MOG: variants seen among roughly 807,000 people sequenced by gnomAD.
MOG encodes the protein myelin oligodendrocyte glycoprotein.
Under a neutral mutation model 35.9 loss-of-function variants are expected in MOG, and 20 were observed. The observed-to-expected ratio is 0.56, with a 90% CI of 0.39 to 0.81. MOG has a LOEUF of 0.81. MOG is among the 30% of genes least tolerant of loss of function. The pLI, the probability that MOG is intolerant of heterozygous loss-of-function variation, is 0.00. For synonymous variants in MOG, 92 were observed against 114.3 expected, an observed-to-expected ratio of 0.80 and a Z score of 1.25; for missense variants, 251 against 301.0, an observed-to-expected ratio of 0.83 and a Z score of 1.23.
At chr6:29,663,476 G>A (rs1330697258) in intron 2 of MOG, among the ~76,000 whole-genome samples, 2 of 152,070 alleles carry the variant, frequency 1.3e-5, no homozygotes, top group African/African-American at 2.4e-5. Flanking sequence ...CCCACCTGTT[G>A]ACCTTTGCCC....
chr6:29,660,541 A>C (rs1280047593), intron 2 of MOG, among the ~76,000 whole-genome samples: 1 of 134,916 alleles, frequency 7.4e-6, no homozygotes, highest in Non-Finnish European at 1.6e-5. Context: ...AAAAAAAAAA[A>C]AAAACCCTGT....
At position 29,670,249 on chromosome 6, in the gene MOG, G is replaced by A. The variant is rs1771163946; in HGVS notation, c.593-32G>A. ...GGGTGGGGCATGAGGGGGAACACAT[G>A]TTAACCCTGTTTGTTCTGGTGAACA... On this transcript the variant is annotated intron_variant, in intron 5 of 7. Coordinates refer to ENST00000376917, the MANE Select transcript of MOG (RefSeq NM_206809.4). The surrounding 1 kb of genome is among the most constrained non-coding windows in gnomAD (Gnocchi z 4.2). The A allele has an allele frequency of 1.9e-6, 3 of 1,614,082 alleles. No homozygotes were observed. Among genetic ancestry groups the A allele is most frequent in the Non-Finnish European group, 2.5e-6 (3 of 1,180,050 alleles).
Position 29,672,289 on chromosome 6 carries a change from A to AAAAT in MOG, c.*1148_*1151dup, listed in dbSNP as rs200245124. On this transcript the variant is annotated 3_prime_UTR_variant, in exon 8 of 8. Transcript: ENST00000376917. ...AGTGACAGAGTAAGACTCTGTCTCA[A>AAAAT]AAATAAATAAATAAATAAATAAATA... The AAAAT allele has an allele frequency of 0.2, 32,887 of 167,608 alleles. 3,417 individuals are homozygous for AAAAT. Among genetic ancestry groups the AAAAT allele is most frequent in the East Asian group, 0.25 (1,651 of 6,724 alleles). The allele number at this position is 167,608 out of a possible 1,614,324, so 10.4% of individuals were successfully genotyped here.
Position 29,657,115 on chromosome 6 carries a change from C to T in MOG, c.-95C>T. On this transcript the variant is annotated 5_prime_UTR_variant, in exon 1 of 8. Transcript: ENST00000376917. ...GCAGCACTGCCCTCCAAGATCTTCCCTTGGGCTTTTCAGCAGTAAGGGGAC... is the reference window on the plus strand; with the variant it reads ...GCAGCACTGCCCTCCAAGATCTTCCTTTGGGCTTTTCAGCAGTAAGGGGAC... 2 of 921,994 alleles carry T rather than the reference C, an allele frequency of 2.2e-6. No individual in the cohort carries two copies. The allele number at this position is 921,994 out of a possible 1,614,324, so 57.1% of individuals were successfully genotyped here.
Position 29,670,152 on chromosome 6 carries a change from A to G in MOG, c.593-129A>G, listed in dbSNP as rs760489139. On this transcript the variant is annotated intron_variant, in intron 5 of 7. Coordinates refer to ENST00000376917, the MANE Select transcript of MOG (RefSeq NM_206809.4). This position sits in a 1 kb window ranked among gnomAD's most constrained non-coding sequence, Gnocchi z 4.2. ...GTACTTTTCTCATCCAAGTTCATGG[A>G]CTTTCTGAATTTTGTCCCCAGAGTC... The G allele has an allele frequency of 4.0e-6, 6 of 1,492,780 alleles. No homozygotes were observed. In the South Asian group the frequency reaches 6.8e-5, roughly 17 times the overall value. 92.5% of individuals were successfully genotyped at this position (1,492,780 alleles called of 1,614,324 possible).
In MOG at chr6:29,662,209, C is replaced by A. The variant is rs1768952234; in HGVS notation, c.436+2543C>A. ...ATGAAACATAAAAACAAATGCCAGG[C>A]GCGGCAGCTCACGCCTGTAATCCCA... On this transcript the variant is annotated intron_variant, in intron 2 of 7. Transcript: ENST00000376917. This position sits in a 1 kb window ranked among gnomAD's most constrained non-coding sequence, Gnocchi z 4.2. 5.1e-6 allele frequency: 5 copies of A among 984,174 alleles called. No homozygotes were observed. The highest frequency in any genetic ancestry group is 6.2e-5 in the Admixed American group (1 of 16,256). 61.0% of individuals were successfully genotyped at this position (984,174 alleles called of 1,614,324 possible). A position where few individuals can be genotyped will look rare whatever the true frequency, so the allele number is the denominator to read the frequency against.
In MOG at chr6:29,657,192, TC is replaced by T; in HGVS notation, c.-14del. 6.3e-7 allele frequency: 1 copy of T among 1,586,894 alleles called. No individual in the cohort carries two copies. Among genetic ancestry groups the T allele is most frequent in the Non-Finnish European group, 8.6e-7 (1 of 1,156,866 alleles). ...CTGACCTTGCTGCGGGGGCTCTCTGTCCCCAGGAACAGTAGAGATGGCAAGC... is the reference window on the plus strand; with the variant it reads ...CTGACCTTGCTGCGGGGGCTCTCTGTCCCAGGAACAGTAGAGATGGCAAGC... On this transcript the variant is annotated 5_prime_UTR_variant, in exon 1 of 8. Transcript: ENST00000376917.
intron 2 of MOG, among the ~76,000 whole-genome samples, chr6:29,663,246 TG>T (rs1466023812): frequency 8.6e-6 from 1 of 115,618 alleles, no homozygotes; most frequent in Non-Finnish European, 1.7e-5. Context: ...CACTCCAGCC[TG>T]GGGCAACAGA....
At chr6:29,663,643 A>G (rs991037381) in intron 2 of MOG, among the ~76,000 whole-genome samples, 2 of 152,044 alleles carry the variant, frequency 1.3e-5, no homozygotes, top group African/African-American at 4.8e-5. Context: ...CATCAGTGAT[A>G]CTCTATACTT....
At position 29,662,171 on chromosome 6, in the gene MOG, T is replaced by C. The variant is rs1453566894; in HGVS notation, c.436+2505T>C. Reference sequence around the variant, plus strand: ...TACTAGTTGTCTCTAATCCTTTCTTTAAATTCTTCATTATGAAACATAAAA... The same window carrying C: ...TACTAGTTGTCTCTAATCCTTTCTTCAAATTCTTCATTATGAAACATAAAA... On this transcript the variant is annotated intron_variant, in intron 2 of 7. Coordinates refer to ENST00000376917, the MANE Select transcript of MOG (RefSeq NM_206809.4). The surrounding 1 kb of genome is among the most constrained non-coding windows in gnomAD (Gnocchi z 4.2). 4 of 984,898 alleles carry C rather than the reference T, an allele frequency of 4.1e-6. No individual in the cohort carries two copies. The highest frequency in any genetic ancestry group is 4.8e-6 in the Non-Finnish European group (4 of 829,630). 61.0% of individuals were successfully genotyped at this position (984,898 alleles called of 1,614,324 possible). A position where few individuals can be genotyped will look rare whatever the true frequency, so the allele number is the denominator to read the frequency against.
At chr6:29,664,572 C>T (rs1351276552) in intron 2 of MOG, 3 of 446,986 alleles carry the variant, frequency 6.7e-6, no homozygotes, top group South Asian at 1.6e-5. Context: ...ATGCACCTTC[C>T]GCAAGCTGAT....
chr6:29,671,470 T>C lies in MOG; in HGVS notation c.*285T>C. 1 of 1,509,414 alleles carries C rather than the reference T, an allele frequency of 6.6e-7. No individual in the cohort carries two copies. Among genetic ancestry groups the C allele is most frequent in the Non-Finnish European group, 9.2e-7 (1 of 1,085,958 alleles). 93.5% of individuals were successfully genotyped at this position (1,509,414 alleles called of 1,614,324 possible). ...GGCTAAGGACAGGCAGGTGCCCCTC[T>C]CTCCATCAGAGGACACCTGTACTGG... is the stretch of plus-strand genomic sequence containing the variant. On this transcript the variant is annotated 3_prime_UTR_variant, in exon 8 of 8. Coordinates refer to ENST00000376917, the MANE Select transcript of MOG (RefSeq NM_206809.4).
chr6:29,661,683 G>A, intron 2 of MOG: 3 of 812,262 alleles, frequency 3.7e-6, no homozygotes, highest in Non-Finnish European at 4.5e-6. Flanking sequence ...AGCCTGGCGT[G>A]GTGGCGCATT....
chr6:29,657,642 C>T (rs888937665), intron 1 of MOG, among the ~76,000 whole-genome samples: 2 of 150,052 alleles, frequency 1.3e-5, no homozygotes, highest in African/African-American at 2.5e-5. Context: ...TGCCACCACA[C>T]CCAGCTAAAT....
At chr6:29,668,240 C>T (rs1770656142) in intron 5 of MOG, among the ~76,000 whole-genome samples, 1 of 152,138 alleles carries the variant, frequency 6.6e-6, no homozygotes, top group Non-Finnish European at 1.5e-5. Context: ...TACACGTAAA[C>T]CTGATGTCTG....
intron 2 of MOG, among the ~76,000 whole-genome samples, chr6:29,664,381 A>T (rs1769685374): frequency 6.6e-6 from 1 of 151,486 alleles, no homozygotes; most frequent in African/African-American, 2.4e-5. Context: ...TAATTTTTGT[A>T]TTATCAGTAG....
chr6:29,661,672 T>G lies in MOG; in HGVS notation c.436+2006T>G, dbSNP rs1000999404. The G allele has an allele frequency of 1.8e-5, 15 of 813,986 alleles. No individual in the cohort carries two copies. In the African/African-American group the frequency reaches 2.6e-4, roughly 14 times the overall value. The allele number at this position is 813,986 out of a possible 1,614,324, so 50.4% of individuals were successfully genotyped here. On this transcript the variant is annotated intron_variant, in intron 2 of 7. Coordinates refer to ENST00000376917, the MANE Select transcript of MOG (RefSeq NM_206809.4). Reference sequence around the variant, plus strand: ...CCTGTCTCTACTAAAAACACAAAATTAGCCTGGCGTGGTGGCGCATTCCTG... The same window carrying G: ...CCTGTCTCTACTAAAAACACAAAATGAGCCTGGCGTGGTGGCGCATTCCTG...
chr6:29,661,674 G>C (rs376003848), intron 2 of MOG: 1 of 818,950 alleles, frequency 1.2e-6, no homozygotes. Flanking sequence ...CACAAAATTA[G>C]CCTGGCGTGG....
At position 29,657,432 on chromosome 6, in the gene MOG, C is replaced by A. The variant is rs1767347500; in HGVS notation, c.88+135C>A. The A allele has an allele frequency of 4.1e-6, 3 of 737,608 alleles. No individual in the cohort carries two copies. The Admixed American group carries it at 6.3e-5, about 16-fold the overall frequency. The allele number at this position is 737,608 out of a possible 1,614,324, so 45.7% of individuals were successfully genotyped here. A position where few individuals can be genotyped will look rare whatever the true frequency, so the allele number is the denominator to read the frequency against. ...AACATAGACCTACTGACATGCCTCC[C>A]TTCCTCAGAAACCTTCCGTGGGTGG... On this transcript the variant is annotated intron_variant, in intron 1 of 7. Coordinates refer to ENST00000376917, the MANE Select transcript of MOG (RefSeq NM_206809.4).
Sources: gnomAD v4.1 joint callset for allele counts (sites outside exome capture counted in the v4.1 genomes callset) on GRCh38, gnomAD v4.1.1 for gene constraint, Gnocchi (gnomAD v3.1) non-coding constraint, MANE v1.5 for transcripts, NCBI Gene and HGNC (gene_info 2026-07-23, HGNC 2026-07-21) for gene names.